Variants in RANBP3 observed in about 807,000 individuals in gnomAD.
The protein encoded by RANBP3 is ran-binding protein 3.
RANBP3 carries 14 observed loss-of-function variants against 77.3 expected under a neutral mutation model. The ratio of observed to expected loss-of-function variants is 0.18; its 90% CI spans 0.12 to 0.28. RANBP3 has a LOEUF of 0.28. Ranked by LOEUF, RANBP3 falls within the 10% of genes least tolerant of loss-of-function variation. The probability of loss-of-function intolerance (pLI) is 1.00; values close to 1 mark genes in which losing one functional copy is unlikely to be tolerated. For synonymous variants in RANBP3, 315 were observed against 312.4 expected (o/e 1.01, Z -0.09); for missense variants, 586 against 752.3 (o/e 0.78, Z 2.59).
At position 5,951,347 on chromosome 19, in the gene RANBP3, T is replaced by C. The variant is rs1380623565; in HGVS notation, c.282+46A>G. On this transcript the variant is annotated intron_variant, in intron 3 of 16. Coordinates refer to ENST00000340578, the MANE Select transcript of RANBP3 (RefSeq NM_007322.3). The stretch of plus-strand genomic sequence containing the variant: ...CGAAGGGAAAGTGGCTGGTCTGGGT[T>C]GGGCTCCCCCTGGGCGGTAGGAGTG... 3 of 1,510,950 alleles carry C rather than the reference T, an allele frequency of 2.0e-6. No individual in the cohort carries two copies. In the African/African-American group the frequency reaches 4.2e-5, roughly 21 times the overall value. The allele number at this position is 1,510,950 out of a possible 1,614,324, so 93.6% of individuals were successfully genotyped here.
rs917961277 is a variant in RANBP3 at position 5,916,935 on chromosome 19, G to C, written c.*675C>G. ...AGGCCAGAACCACAGGTGGGGGACA[G>C]GGACCTCGACAGAGCTGTGCCTGCT... is the stretch of plus-strand genomic sequence containing the variant. On this transcript the variant is annotated 3_prime_UTR_variant, in exon 17 of 17. Transcript: ENST00000340578. The C allele has an allele frequency of 6.6e-6, 1 of 152,444 alleles. No homozygotes were observed. Among genetic ancestry groups the C allele is most frequent in the Non-Finnish European group, 1.5e-5 (1 of 68,174 alleles). The allele number at this position is 152,444 out of a possible 1,614,324, so 9.4% of individuals were successfully genotyped here.
At chr19:5,935,587 C>T (rs753019556) in intron 5 of RANBP3, 29 of 370,572 alleles carry the variant, frequency 7.8e-5, no homozygotes, top group Non-Finnish European at 9.9e-5. Context: ...TTCCACACTC[C>T]GCTCCGTGCA....
At position 5,942,721 on chromosome 19, in the gene RANBP3, C is replaced by A. The variant is rs879705334; in HGVS notation, c.283-886G>T. 6.5e-3 allele frequency among the ~76,000 whole-genome samples: 746 copies of A among 115,592 alleles called. 3 individuals are homozygous for A. Among genetic ancestry groups the A allele is most frequent in the Middle Eastern group, 0.016 (3 of 186 alleles). The allele number at this position is 115,592 out of a possible 152,430, so 75.8% of individuals were successfully genotyped here. On this transcript the variant is annotated intron_variant, in intron 3 of 16. Transcript: ENST00000340578. ...GTCTCAAAAAAAAAAAAAAAAAAAA[C>A]AAAAGGACTTAAAATGGACTGGGTG...
chr19:5,964,792 G>C (rs1053904528), intron 1 of RANBP3, among the ~76,000 whole-genome samples: 2 of 145,710 alleles, frequency 1.4e-5, no homozygotes, highest in African/African-American at 5.0e-5. Context: ...GACACGCCTT[G>C]GGGACAGACT....
At chr19:5,970,287 TAG>T (rs778654594) in intron 1 of RANBP3, among the ~76,000 whole-genome samples, 5 of 152,004 alleles carry the variant, frequency 3.3e-5, no homozygotes, top group Non-Finnish European at 4.4e-5. Context: ...CCCAATAGAT[TAG>T]ATGGCACAAA....
rs925501599 is a variant in RANBP3, at chr19:5,959,671, G to C, written c.23-1698C>G. On this transcript the variant is annotated intron_variant, in intron 1 of 16. Transcript: ENST00000340578. This position sits in a 1 kb window ranked among gnomAD's most constrained non-coding sequence, Gnocchi z 5.1. ...AACGTGAATGAATGCACCTATGCCA[G>C]GCAATAAATGATGTCAAAGGAATGC... 6.6e-6 allele frequency among the ~76,000 whole-genome samples: 1 copy of C among 152,264 alleles called. No individual in the cohort carries two copies. Among genetic ancestry groups the C allele is most frequent in the Non-Finnish European group, 1.5e-5 (1 of 68,020 alleles).
intron 5 of RANBP3, among the ~76,000 whole-genome samples, chr19:5,935,451 T>C (rs2058051317): frequency 1.3e-5 from 2 of 152,276 alleles, no homozygotes; most frequent in South Asian, 4.1e-4. Flanking sequence ...CACGGAGCTA[T>C]GCAGAAGACG....
chr19:5,920,500 T>C (rs1481888098), intron 14 of RANBP3, among the ~76,000 whole-genome samples: 2 of 152,180 alleles, frequency 1.3e-5, no homozygotes, highest in Non-Finnish European at 2.9e-5. Context: ...TAGGGAAAAG[T>C]CCATTGACTG....
intron 10 of RANBP3, 139 bp from the exon 11 acceptor site, chr19:5,925,044 A>G (rs1290302833): frequency 2.6e-6 from 2 of 772,698 alleles, no homozygotes; most frequent in Admixed American, 3.9e-5. Flanking sequence ...GTGGCGTGTC[A>G]GAGGCAGGAA....
chr19:5,942,414 T>C (rs2058149488), intron 3 of RANBP3, among the ~76,000 whole-genome samples: 1 of 152,208 alleles, frequency 6.6e-6, no homozygotes, highest in South Asian at 2.1e-4. Flanking sequence ...AGTCACAGGC[T>C]GAGGGAAGGC....
chr19:5,958,303 T>C lies in RANBP3; in HGVS notation c.23-330A>G, dbSNP rs370002187. Among the ~76,000 whole-genome samples the C allele has an allele frequency of 1.9e-4, 29 of 152,336 alleles. No homozygotes were observed. The highest frequency in any genetic ancestry group is 5.1e-4 in the African/African-American group (21 of 41,568). Reference sequence around the variant, plus strand: ...GGCAGCGCTATTTGGCGCCATGAACTGTGACCTTGCAGGAATGTGGCACCT... The same window carrying C: ...GGCAGCGCTATTTGGCGCCATGAACCGTGACCTTGCAGGAATGTGGCACCT... On this transcript the variant is annotated intron_variant, in intron 1 of 16. Coordinates refer to ENST00000340578, the MANE Select transcript of RANBP3 (RefSeq NM_007322.3). The surrounding 1 kb of genome is among the most constrained non-coding windows in gnomAD (Gnocchi z 4.4).
At chr19:5,917,753 GCT>G (rs774908499) in intron 16 of RANBP3, 39 bp downstream of exon 16, 2 of 1,587,238 alleles carry the variant, frequency 1.3e-6, no homozygotes, top group Non-Finnish European at 1.7e-6. Flanking sequence ...ATGGCGGGCA[GCT>G]CTTTCTATCC....
chr19:5,957,569 C>G (rs965904500), intron 2 of RANBP3, among the ~76,000 whole-genome samples: 40 of 150,246 alleles, frequency 2.7e-4, no homozygotes, highest in Admixed American at 1.4e-3. Context: ...CCCACCTTCC[C>G]TCCTCCCTTT....
chr19:5,972,327 C>A (rs1377764460), intron 1 of RANBP3, among the ~76,000 whole-genome samples: 1 of 152,220 alleles, frequency 6.6e-6, no homozygotes, highest in Non-Finnish European at 1.5e-5. Flanking sequence ...TGTGGCAGCT[C>A]TAAGTGCCAA....
intron 1 of RANBP3, among the ~76,000 whole-genome samples, chr19:5,960,283 C>T (rs1296006026): frequency 6.6e-6 from 1 of 152,224 alleles, no homozygotes; most frequent in South Asian, 2.1e-4. Context: ...TCGATTTCTG[C>T]CCCTTGTCGC....
chr19:5,947,789 C>T (rs374187110), intron 3 of RANBP3, among the ~76,000 whole-genome samples: 6 of 152,288 alleles, frequency 3.9e-5, no homozygotes, highest in East Asian at 1.9e-4. Context: ...CCACCGGCAG[C>T]CATAGGGAGC....
Position 5,978,041 on chromosome 19 carries a change from C to G in RANBP3, c.22+20G>C. Reference sequence around the variant, plus strand: ...CCCGTTCCCCGGCCGCCAGCCGGTCCCCAACGGCGCCTCCCCTACCTTCGT... The same window carrying G: ...CCCGTTCCCCGGCCGCCAGCCGGTCGCCAACGGCGCCTCCCCTACCTTCGT... On this transcript the variant is annotated intron_variant, in intron 1 of 16. Coordinates refer to ENST00000340578, the MANE Select transcript of RANBP3 (RefSeq NM_007322.3). 6.2e-7 allele frequency: 1 copy of G among 1,609,840 alleles called. No individual in the cohort carries two copies. The highest frequency in any genetic ancestry group is 1.3e-5 in the African/African-American group (1 of 74,412).
intron 5 of RANBP3, among the ~76,000 whole-genome samples, chr19:5,937,627 A>G (rs2058083567): frequency 6.6e-6 from 1 of 152,228 alleles, no homozygotes; most frequent in Admixed American, 6.5e-5. Context: ...TCAAAATTAA[A>G]GCTAAAAAAC....
In RANBP3 at chr19:5,931,516, G is replaced by A. The variant is rs2145083403; in HGVS notation, c.581C>T (p.Thr194Ile). 6.2e-7 allele frequency: 1 copy of A among 1,610,786 alleles called. No individual in the cohort carries two copies. The highest frequency in any genetic ancestry group is 1.3e-5 in the African/African-American group (1 of 75,010). ...ALSQTVPSSG[T>I]NGVSLPADCT... The stretch of plus-strand genomic sequence containing the variant: ...GTCTGCTGGGAGGCTGACCCCGTTG[G>A]TGCCACTGCTGGGGACTGTGGGAGG... The change falls in exon 8 of 17, where the codon ACC (threonine) becomes ATC (isoleucine). Residue 194 changes from threonine to isoleucine, a missense_variant. Transcript: ENST00000340578.
Sources: gnomAD v4.1 joint callset for allele counts (sites outside exome capture counted in the v4.1 genomes callset) on GRCh38, gnomAD v4.1.1 for gene constraint, Gnocchi (gnomAD v3.1) non-coding constraint, MANE v1.5 for transcripts, NCBI Gene and HGNC (gene_info 2026-07-23, HGNC 2026-07-21) for gene names.